Variants in ACSL3 observed in about 807,000 individuals in gnomAD.
ACSL3 encodes acyl-CoA synthetase long chain family member 3, also known as fatty acid CoA ligase Acsl3.
Under a neutral mutation model 84.7 loss-of-function variants are expected in ACSL3, and 34 were observed. The observed-to-expected ratio is 0.40, with a 90% CI of 0.31 to 0.53. The LOEUF (loss-of-function observed/expected upper bound fraction) is 0.53. Among genes scored for constraint, ACSL3 ranks in the 20% least tolerant of loss-of-function variants. ACSL3 has a pLI of 0.48. For missense variants in ACSL3, 680 were observed against 873.1 expected (o/e 0.78, Z 2.79); for synonymous variants, 315 against 299.4 (o/e 1.05, Z -0.54).
intron 1 of ACSL3, chr2:222,861,667 C>G (rs978526722): frequency 2.6e-5 from 4 of 152,230 alleles, no homozygotes; most frequent in Non-Finnish European, 2.9e-5. Flanking sequence ...GAAGGAGACT[C>G]AGCCCTGCGA....
intron 10 of ACSL3, among the ~76,000 whole-genome samples, chr2:222,924,180 G>A (rs1282453536): frequency 6.6e-6 from 1 of 152,174 alleles, no homozygotes; most frequent in South Asian, 2.1e-4. Context: ...CAATTTATAT[G>A]AGTATCTAGA....
chr2:222,866,753 GCCCCCCCCCCC>G (rs1237425837), intron 1 of ACSL3, among the ~76,000 whole-genome samples: 77 of 18,692 alleles, frequency 4.1e-3, no homozygotes, highest in Non-Finnish European at 6.7e-3. Context: ...TGCCCCCCCC[GCCCCCCCCCCC>G]CCCCCCCCCC....
chr2:222,924,035 T>C (rs1181000864), intron 10 of ACSL3, among the ~76,000 whole-genome samples: 1 of 152,180 alleles, frequency 6.6e-6, no homozygotes, highest in African/African-American at 2.4e-5. Context: ...GAGCAAAGAA[T>C]GTGGTACTGT....
At chr2:222,871,993 A>G (rs1008437963) in intron 1 of ACSL3, among the ~76,000 whole-genome samples, 1 of 151,990 alleles carries the variant, frequency 6.6e-6, no homozygotes, top group African/African-American at 2.4e-5. Context: ...TGAACATAAT[A>G]GTCACCGTAA....
At position 222,887,687 on chromosome 2, in the gene ACSL3, G is replaced by A. The variant is rs1263685774; in HGVS notation, c.-206-143G>A. ...AAAAATTTTGTTTGCTAGCGTGATA[G>A]GTTGGTGTTTCCAGAAAAACTCACC... On this transcript the variant is annotated intron_variant, in intron 1 of 16. Coordinates refer to ENST00000357430, the MANE Select transcript of ACSL3 (RefSeq NM_004457.5). 3 of 152,142 alleles carry A rather than the reference G, an allele frequency of 2.0e-5. No individual in the cohort carries two copies. In the East Asian group the frequency reaches 5.8e-4, roughly 29 times the overall value. 9.4% of individuals were successfully genotyped at this position (152,142 alleles called of 1,614,324 possible).
At chr2:222,917,585 T>C (rs532136463) in intron 5 of ACSL3, 2 of 152,514 alleles carry the variant, frequency 1.3e-5, no homozygotes, top group African/African-American at 4.8e-5. Flanking sequence ...TGTTTGTCTT[T>C]AGATATTTTT....
intron 3 of ACSL3, chr2:222,904,885 T>C (rs916923822): frequency 6.5e-6 from 1 of 153,808 alleles, no homozygotes; most frequent in African/African-American, 2.4e-5. Flanking sequence ...CAGCCTTTAG[T>C]AGGATGTCAG....
At position 222,930,604 on chromosome 2, in the gene ACSL3, A is replaced by T; in HGVS notation, c.1541-17A>T. 1.9e-6 allele frequency: 3 copies of T among 1,561,432 alleles called. No homozygotes were observed. The highest frequency in any genetic ancestry group is 1.4e-5 in the African/African-American group (1 of 72,504). On this transcript the variant is annotated splice_polypyrimidine_tract_variant and intron_variant, in intron 13 of 16. Transcript: ENST00000357430. ...TTGTATTTAACTCAACTATTAACTC[A>T]ATTATTATTTTATTAGGTGGATACT...
intron 13 of ACSL3, 114 bp downstream of exon 13, chr2:222,929,050 T>C (rs1167629411): frequency 1.5e-5 from 11 of 751,854 alleles, no homozygotes; most frequent in Non-Finnish European, 2.4e-5. Context: ...ATTTTTGTCC[T>C]TTGTGATAGA....
chr2:222,902,277 G>A (rs565659254), intron 3 of ACSL3, among the ~76,000 whole-genome samples: 1 of 152,024 alleles, frequency 6.6e-6, no homozygotes, highest in Non-Finnish European at 1.5e-5. Context: ...TGATGTAAGG[G>A]GACTCAAAAA....
At chr2:222,902,849 C>T (rs996502780) in intron 3 of ACSL3, among the ~76,000 whole-genome samples, 2 of 152,192 alleles carry the variant, frequency 1.3e-5, no homozygotes, top group Non-Finnish European at 2.9e-5. Flanking sequence ...AGTCAGGAAA[C>T]GGTGGGCAAA....
At chr2:222,929,686 G>A (rs970881550) in intron 13 of ACSL3, among the ~76,000 whole-genome samples, 35 of 151,974 alleles carry the variant, frequency 2.3e-4, no homozygotes, top group Non-Finnish European at 4.6e-4. Flanking sequence ...GCTGAGGCAG[G>A]AGAATCACTT....
intron 3 of ACSL3, among the ~76,000 whole-genome samples, chr2:222,907,994 C>A (rs1004309064): frequency 1.8e-4 from 28 of 152,262 alleles, no homozygotes; most frequent in African/African-American, 6.5e-4. Context: ...CGTACACATG[C>A]ATGCATGCAT....
rs927734710 is a variant in ACSL3, at chr2:222,943,823, T to C, written c.*2169T>C. 5.3e-5 allele frequency: 8 copies of C among 152,076 alleles called. No individual in the cohort carries two copies. The highest frequency in any genetic ancestry group is 1.2e-4 in the Non-Finnish European group (8 of 67,978). 9.4% of individuals were successfully genotyped at this position (152,076 alleles called of 1,614,324 possible). On this transcript the variant is annotated 3_prime_UTR_variant, in exon 17 of 17. Transcript: ENST00000357430. The stretch of plus-strand genomic sequence containing the variant: ...AATGAAAAAACCACTCAATTATGAC[T>C]CATATAAGAAATACTGGTTTAACCA...
At position 222,930,753 on chromosome 2, in the gene ACSL3, G is replaced by A; in HGVS notation, c.1673G>A (p.Arg558Lys). 6.2e-7 allele frequency: 1 copy of A among 1,614,152 alleles called. No homozygotes were observed. Residue 558 changes from arginine to lysine, a missense_variant, in exon 14 of 17, where the codon AGG (arginine) becomes AAG (lysine). Arg to Lys is a conservative substitution (Grantham distance 26). Around this residue, in one of 2 missense-constraint regions of ACSL3, gnomAD observed 347 missense variants for 525.7 expected, o/e 0.66. Coordinates refer to ENST00000357430, the MANE Select transcript of ACSL3 (RefSeq NM_004457.5). Reference protein sequence around the residue: ...ADFFEDENGQRWLCTGDIGEF... With the variant: ...ADFFEDENGQKWLCTGDIGEF... Reference sequence around the variant, plus strand: ...TTCTTTGAAGATGAAAATGGACAAAGGTGGCTCTGTACTGGGGATATTGGA... The same window carrying A: ...TTCTTTGAAGATGAAAATGGACAAAAGTGGCTCTGTACTGGGGATATTGGA...
In ACSL3 at chr2:222,933,394, A is replaced by G. The variant is rs998956789; in HGVS notation, c.1847+114A>G. The G allele has an allele frequency of 5.8e-6, 4 of 685,882 alleles. No individual in the cohort carries two copies. In the African/African-American group the frequency reaches 7.3e-5, roughly 12 times the overall value. 42.5% of individuals were successfully genotyped at this position (685,882 alleles called of 1,614,324 possible). A position where few individuals can be genotyped will look rare whatever the true frequency, so the allele number is the denominator to read the frequency against. On this transcript the variant is annotated intron_variant, in intron 15 of 16. Transcript: ENST00000357430. The stretch of plus-strand genomic sequence containing the variant: ...GTTCCGAGAACTCTTCCTATCTGTT[A>G]CTTGTGGGAATGGCCTCCTTCTCAT...
At chr2:222,915,249 T>C (rs1176191426) in intron 4 of ACSL3, among the ~76,000 whole-genome samples, 1 of 152,210 alleles carries the variant, frequency 6.6e-6, no homozygotes, top group African/African-American at 2.4e-5. Context: ...GGTGAGAGTT[T>C]GGGACCAGTA....
At chr2:222,866,220 A>G (rs912735919) in intron 1 of ACSL3, among the ~76,000 whole-genome samples, 4 of 151,474 alleles carry the variant, frequency 2.6e-5, no homozygotes, top group Admixed American at 2.6e-4. Flanking sequence ...ATCTCGGCTC[A>G]CTGTAAGCTC....
Position 222,905,703 on chromosome 2 carries a change from C to T in ACSL3, c.-40-3030C>T, listed in dbSNP as rs1696275195. Among the ~76,000 whole-genome samples the T allele has an allele frequency of 1.3e-5, 2 of 152,162 alleles. 1 individual carries two copies. The highest frequency in any genetic ancestry group is 1.3e-4 in the Admixed American group (2 of 15,284). The stretch of plus-strand genomic sequence containing the variant: ...CTCGACCAGTCTTTGGATTACTACA[C>T]AATACATTGTCAAAGAAAATAGCCT... On this transcript the variant is annotated intron_variant, in intron 3 of 16. Transcript: ENST00000357430.
Sources: allele counts gnomAD v4.1 joint callset (sites outside exome capture counted in the v4.1 genomes callset), GRCh38; gene constraint gnomAD v4.1.1; regional missense constraint gnomAD v4.1.1; transcripts MANE v1.5; gene names NCBI Gene and HGNC (gene_info 2026-07-23, HGNC 2026-07-21).